TBC1D31: variants seen among roughly 807,000 people sequenced by gnomAD.
TBC1D31 encodes WD repeat domain 67.
A neutral mutation model predicts 132.9 loss-of-function variants in TBC1D31; 99 were observed. The ratio of observed to expected loss-of-function variants is 0.74; its 90% CI spans 0.63 to 0.88. The LOEUF is 0.88. Among genes scored for constraint, TBC1D31 ranks in the 40% least tolerant of loss-of-function variants. The pLI, the probability that TBC1D31 is intolerant of heterozygous loss-of-function variation, is 0.00. For missense variants in TBC1D31, 1,134 were observed against 1,256.6 expected, an observed-to-expected ratio of 0.90 and a Z score of 1.48; for synonymous variants, 385 against 419.4, an observed-to-expected ratio of 0.92 and a Z score of 1.00.
Position 123,140,768 on chromosome 8 carries a change from C to A in TBC1D31, c.2507C>A (p.Thr836Asn). ...TACAAATGATTTTAACAGAATCTTA[C>A]TGAAAATCAAGAAGCTCTTGCAAAA... ...SQKRLYEKNL[T>N]ENQEALAKEM... Residue 836 changes from threonine to asparagine, a missense_variant, in exon 18 of 22, where the codon ACT (threonine) becomes AAT (asparagine). Transcript: ENST00000287380. The A allele has an allele frequency of 6.3e-7, 1 of 1,598,964 alleles. No individual in the cohort carries two copies.
downstream of TBC1D31, among the ~76,000 whole-genome samples, chr8:123,153,537 C>T (rs1368725818): frequency 6.6e-6 from 1 of 152,174 alleles, no homozygotes; most frequent in Non-Finnish European, 1.5e-5. Flanking sequence ...TACGTTTCTC[C>T]AGTAATCTTG....
intron 16 of TBC1D31, among the ~76,000 whole-genome samples, chr8:123,131,262 G>A (rs2130822389): frequency 6.6e-6 from 1 of 151,176 alleles, no homozygotes; most frequent in East Asian, 2.0e-4. Context: ...TACGCAGGAG[G>A]CTGAGGCAGG....
In TBC1D31 at chr8:123,105,567, GA is replaced by G; in HGVS notation, c.1209+104del. On this transcript the variant is annotated intron_variant, in intron 8 of 21. Coordinates refer to ENST00000287380, the MANE Select transcript of TBC1D31 (RefSeq NM_145647.4). ...TTCTCTCTCTTGGGAATTAAAGAAA[GA>G]GAATAAAATGAAGAGAATAAAGTTG... 3.9e-6 allele frequency: 4 copies of G among 1,033,632 alleles called. No homozygotes were observed. In the South Asian group the frequency reaches 8.1e-5, roughly 21 times the overall value. 64.0% of individuals were successfully genotyped at this position (1,033,632 alleles called of 1,614,324 possible).
At position 123,126,601 on chromosome 8, in the gene TBC1D31, C is replaced by T. The variant is rs756720485; in HGVS notation, c.1798C>T (p.Pro600Ser). ...KLFDNIFSNH[P>S]SFLLMTVVAY... ...GTTCGATAATATCTTTTCCAACCAT[C>T]CTTCCTTCCTTCTGATGACTGTTGT... The change falls in exon 13 of 22, where the codon CCT (proline) becomes TCT (serine). Residue 600 changes from proline (P) to serine (S), a missense_variant. Pro to Ser is a moderately conservative substitution (Grantham distance 74, BLOSUM62 -1). Coordinates refer to ENST00000287380, the MANE Select transcript of TBC1D31 (RefSeq NM_145647.4). The T allele has an allele frequency of 6.2e-7, 1 of 1,613,662 alleles. No homozygotes were observed. The highest frequency in any genetic ancestry group is 8.5e-7 in the Non-Finnish European group (1 of 1,179,698).
intron 11 of TBC1D31, among the ~76,000 whole-genome samples, chr8:123,121,032 C>T (rs868812180): frequency 6.7e-5 from 10 of 149,072 alleles, no homozygotes; most frequent in Admixed American, 2.0e-4. Context: ...GTGCTCACTG[C>T]AACCTCCACC....
rs746842514 is a variant in TBC1D31 at position 123,140,743 on chromosome 8, T to C, written c.2500-18T>C. On this transcript the variant is annotated intron_variant, in intron 17 of 21. Coordinates refer to ENST00000287380, the MANE Select transcript of TBC1D31 (RefSeq NM_145647.4). The stretch of plus-strand genomic sequence containing the variant: ...GTTATATAAATTAGTGATTTTTTTT[T>C]ACAAATGATTTTAACAGAATCTTAC... 3.2e-6 allele frequency: 5 copies of C among 1,582,884 alleles called. No homozygotes were observed. The South Asian group carries it at 5.8e-5, about 18-fold the overall frequency.
At chr8:123,103,540 A>T (rs1817648402) in intron 7 of TBC1D31, 1 of 152,154 alleles carries the variant, frequency 6.6e-6, no homozygotes, top group South Asian at 2.1e-4. Flanking sequence ...CTCCTGCCTC[A>T]GCCTCCCTAG....
the TBC1D31 span, among the ~76,000 whole-genome samples, chr8:123,159,262 G>T: frequency 3.3e-5 from 4 of 119,650 alleles, no homozygotes; most frequent in African/African-American, 1.4e-4. Context: ...AGTCGTATTT[G>T]AACAGGAAAA....
chr8:123,080,243 T>C (rs1009817581), intron 2 of TBC1D31, among the ~76,000 whole-genome samples: 3 of 152,320 alleles, frequency 2.0e-5, no homozygotes, highest in African/African-American at 7.2e-5. Context: ...TATAGCATCT[T>C]CATCAAAGAA....
intron 17 of TBC1D31, among the ~76,000 whole-genome samples, chr8:123,136,513 C>T (rs1249923842): frequency 1.6e-4 from 24 of 152,148 alleles, no homozygotes; most frequent in South Asian, 4.1e-4. Flanking sequence ...TACAATGGCG[C>T]GATCTCGGCT....
chr8:123,095,174 G>T (rs1816731443), intron 5 of TBC1D31, among the ~76,000 whole-genome samples: 1 of 152,100 alleles, frequency 6.6e-6, no homozygotes, highest in African/African-American at 2.4e-5. Context: ...AAAACTGGAG[G>T]CTTGATCTGA....
intron 19 of TBC1D31, among the ~76,000 whole-genome samples, chr8:123,143,263 G>A (rs369527001): frequency 3.9e-4 from 60 of 152,228 alleles, no homozygotes; most frequent in Non-Finnish European, 6.8e-4. Flanking sequence ...GTCAGCAAAG[G>A]ATGCTGAGAA....
chr8:123,160,048 A>G, the TBC1D31 span, among the ~76,000 whole-genome samples: 1 of 152,200 alleles, frequency 6.6e-6, no homozygotes. Flanking sequence ...CTTTAACTAA[A>G]GTCCATCTTG....
chr8:123,159,917 C>T, the TBC1D31 span, among the ~76,000 whole-genome samples: 2 of 152,274 alleles, frequency 1.3e-5, no homozygotes, highest in East Asian at 3.9e-4. Context: ...ACAGTTTTAG[C>T]GTCACAGAAA....
intron 2 of TBC1D31, among the ~76,000 whole-genome samples, chr8:123,082,116 T>C (rs192607564): frequency 1.3e-5 from 2 of 152,328 alleles, no homozygotes; most frequent in East Asian, 3.9e-4. Flanking sequence ...AGGTTTATTA[T>C]TTCCTACCCC....
chr8:123,158,744 G>A, the TBC1D31 span, among the ~76,000 whole-genome samples: 2 of 152,186 alleles, frequency 1.3e-5, no homozygotes, highest in Non-Finnish European at 2.9e-5. Flanking sequence ...AATTGCTGAG[G>A]ATAGGCGAAG....
rs757288328 is a variant in TBC1D31 at position 123,120,085 on chromosome 8, C to T, written c.1467C>T (p.Val489=). 2.5e-6 allele frequency: 4 copies of T among 1,608,550 alleles called. No homozygotes were observed. Among genetic ancestry groups the T allele is most frequent in the Non-Finnish European group, 3.4e-6 (4 of 1,177,988 alleles). ...TATCTGCATTAGCTCACTGGTCTGT[C>T]ATTTTTAGTGACACACCATATCTTC... ...RTLSALAHWS[V]IFSDTPYLPL... Residue 489 remains valine, a synonymous_variant, in exon 11 of 22, where the codon GTC becomes GTT. Transcript: ENST00000287380.
In TBC1D31 at chr8:123,084,275, T is replaced by C. The variant is rs370099257; in HGVS notation, c.454T>C (p.Trp152Arg). Residue 152 changes from tryptophan (W) to arginine (R), a missense_variant, in exon 4 of 22, where the codon TGG (tryptophan) becomes CGG (arginine). Transcript: ENST00000287380. Reference protein sequence around the residue: ...ITTSSDTAQLWDLDTFQRKRK... With the variant: ...ITTSSDTAQLRDLDTFQRKRK... ...AACTTCTTCTGATACAGCACAATTA[T>C]GGGACTTGGATACCTTTCAGAGAAA... 3.1e-6 allele frequency: 5 copies of C among 1,614,064 alleles called. No individual in the cohort carries two copies. Among genetic ancestry groups the C allele is most frequent in the Non-Finnish European group, 4.2e-6 (5 of 1,180,040 alleles).
intron 1 of TBC1D31, chr8:123,075,011 A>C (rs1483437672): frequency 1.3e-5 from 2 of 152,216 alleles, no homozygotes; most frequent in East Asian, 3.8e-4. Context: ...GCAGAATGTC[A>C]CTATTGTGAT....
Sources: gnomAD v4.1 joint callset for allele counts (sites outside exome capture counted in the v4.1 genomes callset) on GRCh38, gnomAD v4.1.1 for gene constraint, MANE v1.5 for transcripts, NCBI Gene and HGNC (gene_info 2026-07-23, HGNC 2026-07-21) for gene names.